Variants in FAT3 observed in about 807,000 individuals in gnomAD.
FAT3 encodes the protein protocadherin Fat 3.
Under a neutral mutation model 310.2 loss-of-function variants are expected in FAT3, and 95 were observed. The ratio of observed to expected loss-of-function variants is 0.31; its 90% CI spans 0.26 to 0.36. The LOEUF (loss-of-function observed/expected upper bound fraction) is 0.36. FAT3 is among the 10% of genes least tolerant of loss of function. The probability of loss-of-function intolerance (pLI) is 1.00; values close to 1 mark genes in which losing one functional copy is unlikely to be tolerated. For missense variants in FAT3, 5,408 were observed against 5,715.6 expected (o/e 0.95, Z 1.74); for synonymous variants, 2,314 against 2,192.9 (o/e 1.06, Z -1.54).
At chr11:92,227,658 G>C (rs1390317769) in intron 1 of FAT3, among the ~76,000 whole-genome samples, 3 of 152,192 alleles carry the variant, frequency 2.0e-5, no homozygotes, top group Middle Eastern at 6.8e-3. Flanking sequence ...AGGGGATGGA[G>C]GAGAGAAGAG....
chr11:92,406,576 C>T (rs574272593), intron 2 of FAT3: 1 of 152,218 alleles, frequency 6.6e-6, no homozygotes, highest in Admixed American at 6.5e-5. Flanking sequence ...CTGAACTAAT[C>T]TGATATCTTT....
At chr11:92,576,551 C>G (rs1591475641) in intron 3 of FAT3, among the ~76,000 whole-genome samples, 1 of 152,118 alleles carries the variant, frequency 6.6e-6, no homozygotes, top group African/African-American at 2.4e-5. Flanking sequence ...GATTCAAATT[C>G]TAGCCTCTGT....
chr11:92,819,558 T>G (rs1947907790), intron 13 of FAT3, among the ~76,000 whole-genome samples: 1 of 152,252 alleles, frequency 6.6e-6, no homozygotes, highest in African/African-American at 2.4e-5. Flanking sequence ...CTTAACAGTT[T>G]GGTAATACCT....
chr11:92,814,515 T>A (rs560733883), intron 13 of FAT3, among the ~76,000 whole-genome samples: 16 of 152,312 alleles, frequency 1.1e-4, no homozygotes, highest in African/African-American at 3.4e-4. Context: ...TAGCATGAAG[T>A]TCTTAGTTTT....
intron 2 of FAT3, among the ~76,000 whole-genome samples, chr11:92,447,040 C>T (rs1228593277): frequency 6.6e-6 from 1 of 152,068 alleles, no homozygotes; most frequent in Non-Finnish European, 1.5e-5. Flanking sequence ...TCTAAATCTG[C>T]AGGAGTTCAC....
rs1013120493 is a variant in FAT3, at chr11:92,470,075, T to G, written c.3293-54559T>G. Among the ~76,000 whole-genome samples the G allele has an allele frequency of 1.1e-4, 16 of 152,310 alleles. 1 individual carries two copies. The highest frequency in any genetic ancestry group is 8.5e-4 in the Admixed American group (13 of 15,290). On this transcript the variant is annotated intron_variant, in intron 2 of 27. Coordinates refer to ENST00000525166, the MANE Select transcript of FAT3 (RefSeq NM_001367949.2). ...TTCATTATCTCTAACGGTCCAGTGG[T>G]CATGCCACACTGATACTGTGTGATT...
chr11:92,303,480 A>G (rs1300703210), intron 1 of FAT3, among the ~76,000 whole-genome samples: 1 of 152,098 alleles, frequency 6.6e-6, no homozygotes, highest in Non-Finnish European at 1.5e-5. Context: ...TACAACCTAG[A>G]TATGTAACAC....
intron 4 of FAT3, among the ~76,000 whole-genome samples, chr11:92,718,686 C>T (rs748771558): frequency 1.3e-5 from 2 of 152,158 alleles, no homozygotes; most frequent in African/African-American, 2.4e-5. Context: ...TGAAACCAAG[C>T]ATACATTGTT....
chr11:92,640,309 C>T (rs1300693048), intron 3 of FAT3, among the ~76,000 whole-genome samples: 1 of 152,080 alleles, frequency 6.6e-6, no homozygotes, highest in Non-Finnish European at 1.5e-5. Context: ...AACCACCAGC[C>T]AGGGTGAGGT....
chr11:92,818,366 G>A (rs1947877254), intron 13 of FAT3, among the ~76,000 whole-genome samples: 2 of 152,168 alleles, frequency 1.3e-5, no homozygotes. Context: ...GCATCAGTAT[G>A]TGAGTGTGTG....
chr11:92,451,944 G>A (rs536372415), intron 2 of FAT3, among the ~76,000 whole-genome samples: 2 of 152,232 alleles, frequency 1.3e-5, no homozygotes, highest in South Asian at 4.1e-4. Context: ...GCATGTTTTT[G>A]AGTCCTTGTC....
chr11:92,562,747 T>A (rs524317), intron 3 of FAT3, among the ~76,000 whole-genome samples: 22,919 of 152,016 alleles, frequency 0.15, 1,885 homozygotes, highest in East Asian at 0.29. Context: ...TAAACTCTGA[T>A]GTCTAAGGAT....
intron 4 of FAT3, among the ~76,000 whole-genome samples, chr11:92,720,529 A>G (rs940635437): frequency 2.0e-5 from 3 of 152,220 alleles, no homozygotes; most frequent in Non-Finnish European, 4.4e-5. Flanking sequence ...ATTGAAAAAC[A>G]TGTCTTAACA....
At chr11:92,586,781 A>G (rs1253433592) in intron 3 of FAT3, among the ~76,000 whole-genome samples, 2 of 151,870 alleles carry the variant, frequency 1.3e-5, no homozygotes, top group Non-Finnish European at 2.9e-5. Flanking sequence ...TTTTGGGGGG[A>G]ACATACTTTC....
intron 3 of FAT3, among the ~76,000 whole-genome samples, chr11:92,529,939 A>AC (rs930962590): frequency 2.0e-5 from 3 of 152,112 alleles, no homozygotes; most frequent in African/African-American, 4.8e-5. Flanking sequence ...TAGACTGGCT[A>AC]CCCCCACTTT....
intron 1 of FAT3, among the ~76,000 whole-genome samples, chr11:92,304,328 G>T (rs1354942701): frequency 6.6e-6 from 1 of 152,040 alleles, no homozygotes; most frequent in African/African-American, 2.4e-5. Flanking sequence ...GCTCTTTATG[G>T]CAGGGTCTGA....
intron 18 of FAT3, among the ~76,000 whole-genome samples, chr11:92,843,157 C>T (rs1454398354): frequency 6.6e-6 from 1 of 152,112 alleles, no homozygotes; most frequent in Non-Finnish European, 1.5e-5. Flanking sequence ...GCCCAGGCAC[C>T]GGCTCTTTCA....
intron 17 of FAT3, among the ~76,000 whole-genome samples, chr11:92,840,327 A>T (rs552987789): frequency 6.6e-6 from 1 of 152,320 alleles, no homozygotes; most frequent in East Asian, 1.9e-4. Context: ...GGATTGTCCC[A>T]TAGGTGGTTG....
intron 3 of FAT3, among the ~76,000 whole-genome samples, chr11:92,526,416 G>A (rs531402543): frequency 2.0e-5 from 3 of 152,240 alleles, no homozygotes; most frequent in South Asian, 2.1e-4. Context: ...CAACCCAGTG[G>A]AGCCTGAAAT....
Sources: allele counts gnomAD v4.1 joint callset (sites outside exome capture counted in the v4.1 genomes callset), GRCh38; gene constraint gnomAD v4.1.1; transcripts MANE v1.5; gene names NCBI Gene and HGNC (gene_info 2026-07-23, HGNC 2026-07-21).